The following THNSL1 variants were observed in gnomAD, a reference collection of about 807,000 sequenced individuals.
THNSL1 encodes threonine synthase-like 1.
THNSL1 carries 48 observed loss-of-function variants against 50.4 expected under a neutral mutation model. The observed-to-expected ratio is 0.95, with a 90% CI of 0.76 to 1.21. The LOEUF (loss-of-function observed/expected upper bound fraction) is 1.21. THNSL1 is among the 50% of genes most tolerant of loss of function. The pLI is 0.00. For missense variants in THNSL1, 896 were observed against 871.7 expected, an observed-to-expected ratio of 1.03 and a Z score of -0.35; for synonymous variants, 309 against 306.1, an observed-to-expected ratio of 1.01 and a Z score of -0.10.
At position 25,025,012 on chromosome 10, in the gene THNSL1, C is replaced by T; in HGVS notation, c.1789C>T (p.Gln597Ter). ...AGAATTATTTAATCGATTAGAAAGT[C>T]AGCATCATTTCCAGATAGAAAAGGC... ...MTELFNRLES[Q>*]HHFQIEKALV... Residue 597 changes from glutamine to a stop codon, truncating the protein, a stop_gained, in exon 3 of 3, where the codon CAG becomes TAG. Transcript: ENST00000376356. LOFTEE classifies it high-confidence loss of function. 5 of 1,614,108 alleles carry T rather than the reference C, an allele frequency of 3.1e-6. No individual in the cohort carries two copies. The highest frequency in any genetic ancestry group is 4.2e-6 in the Non-Finnish European group (5 of 1,179,976).
chr10:24,958,663 A>C, the THNSL1 span, among the ~76,000 whole-genome samples: 18 of 152,324 alleles, frequency 1.2e-4, no homozygotes, highest in Non-Finnish European at 1.8e-4. Context: ...CTTACAAATA[A>C]AGCCAAGGCT....
chr10:24,993,636 A>T, the THNSL1 span, among the ~76,000 whole-genome samples: 1 of 152,238 alleles, frequency 6.6e-6, no homozygotes, highest in Non-Finnish European at 1.5e-5. Flanking sequence ...AGATCTTTAA[A>T]ACTTAACTCT....
chr10:25,011,771 C>G (rs1850450060), upstream of THNSL1, among the ~76,000 whole-genome samples: 1 of 152,158 alleles, frequency 6.6e-6, no homozygotes, highest in Non-Finnish European at 1.5e-5. Flanking sequence ...CATAAAAGTT[C>G]AGAAAATTTG....
At chr10:24,996,357 G>T in the THNSL1 span, among the ~76,000 whole-genome samples, 1 of 152,110 alleles carries the variant, frequency 6.6e-6, no homozygotes, top group Admixed American at 6.5e-5. Context: ...GGGAGGCGGA[G>T]GTTGCAGTGA....
At chr10:25,021,003 C>T (rs1850708149) in intron 1 of THNSL1, among the ~76,000 whole-genome samples, 1 of 152,154 alleles carries the variant, frequency 6.6e-6, no homozygotes, top group Admixed American at 6.5e-5. Flanking sequence ...ATAATTCTTT[C>T]TGGTCCCTGG....
At chr10:24,985,541 A>G in the THNSL1 span, among the ~76,000 whole-genome samples, 2 of 152,252 alleles carry the variant, frequency 1.3e-5, no homozygotes, top group African/African-American at 4.8e-5. Flanking sequence ...AGGTCATTAA[A>G]TGTAACACAC....
the THNSL1 span, among the ~76,000 whole-genome samples, chr10:24,960,760 G>GT: frequency 4.4e-3 from 668 of 150,142 alleles, 3 homozygotes; most frequent in Non-Finnish European, 4.8e-3. Flanking sequence ...CCTATTTTTT[G>GT]TTTTTTTTTA....
At position 25,023,492 on chromosome 10, in the gene THNSL1, T is replaced by C. The variant is rs1158323769; in HGVS notation, c.269T>C (p.Ile90Thr). The C allele has an allele frequency of 2.5e-6, 4 of 1,614,120 alleles. No homozygotes were observed. Among genetic ancestry groups the C allele is most frequent in the South Asian group, 2.2e-5 (2 of 91,072 alleles). ...TGTGTCATAGATGTGGATGATGATA[T>C]CCTTGAAAAAACCTGGAATATGAGT... ...GCCVIDVDDD[I>T]LEKTWNMSVS... The change falls in exon 3 of 3, where the codon ATC (isoleucine) becomes ACC (threonine). Residue 90 changes from isoleucine to threonine, a missense_variant. Physicochemically the swap from Ile to Thr is moderately conservative, Grantham distance 89. Coordinates refer to ENST00000376356, the MANE Select transcript of THNSL1 (RefSeq NM_024838.5).
chr10:24,966,395 A>G, the THNSL1 span, among the ~76,000 whole-genome samples: 2 of 152,214 alleles, frequency 1.3e-5, no homozygotes, highest in Non-Finnish European at 2.9e-5. Flanking sequence ...TGAGACCACA[A>G]CACCCTCTTG....
the THNSL1 span, among the ~76,000 whole-genome samples, chr10:24,999,054 G>A: frequency 6.6e-6 from 1 of 152,282 alleles, no homozygotes; most frequent in South Asian, 2.1e-4. Context: ...GGGTTTAGAT[G>A]CTGGGCAATC....
At chr10:24,967,786 C>T in the THNSL1 span, among the ~76,000 whole-genome samples, 2,066 of 149,956 alleles carry the variant, frequency 0.014, 48 homozygotes, top group African/African-American at 0.048. Context: ...TATGTATGTG[C>T]GTATGATGTG....
the THNSL1 span, among the ~76,000 whole-genome samples, chr10:24,980,070 C>A: frequency 4.5e-4 from 68 of 152,344 alleles, no homozygotes; most frequent in African/African-American, 1.6e-3. Flanking sequence ...ACCAACTAGT[C>A]CACTAACTAA....
At chr10:24,977,763 A>G in the THNSL1 span, among the ~76,000 whole-genome samples, 2 of 152,198 alleles carry the variant, frequency 1.3e-5, no homozygotes, top group African/African-American at 4.8e-5. Flanking sequence ...ATATATATGC[A>G]TTTGTTTTTA....
chr10:24,955,399 A>G, the THNSL1 span, among the ~76,000 whole-genome samples: 1 of 152,278 alleles, frequency 6.6e-6, no homozygotes, highest in African/African-American at 2.4e-5. Context: ...GTAACAATCC[A>G]TGTTACTTTA....
chr10:24,978,573 G>A, the THNSL1 span, among the ~76,000 whole-genome samples: 2 of 151,696 alleles, frequency 1.3e-5, no homozygotes, highest in African/African-American at 2.4e-5. Flanking sequence ...CTTAGAAGAC[G>A]AACACTCTGT....
At chr10:24,976,078 A>G in the THNSL1 span, among the ~76,000 whole-genome samples, 5 of 152,260 alleles carry the variant, frequency 3.3e-5, no homozygotes, top group African/African-American at 1.2e-4. Flanking sequence ...ATGCCTTTCT[A>G]CCCCTTCCTG....
At chr10:24,967,817 G>A in the THNSL1 span, among the ~76,000 whole-genome samples, 54 of 151,888 alleles carry the variant, frequency 3.6e-4, no homozygotes, top group Non-Finnish European at 6.0e-4. Context: ...GTGTATATGT[G>A]CATGTATATG....
At chr10:24,993,126 T>C in the THNSL1 span, among the ~76,000 whole-genome samples, 2 of 152,028 alleles carry the variant, frequency 1.3e-5, no homozygotes, top group African/African-American at 4.8e-5. Flanking sequence ...AGACTCCATC[T>C]CTAAAAAAAA....
At chr10:24,976,535 G>A in the THNSL1 span, among the ~76,000 whole-genome samples, 1 of 151,828 alleles carries the variant, frequency 6.6e-6, no homozygotes, top group Admixed American at 6.6e-5. Flanking sequence ...TGTTGTCCAG[G>A]CTGGAGTGCA....
Sources: gnomAD v4.1 joint callset for allele counts (sites outside exome capture counted in the v4.1 genomes callset) on GRCh38, gnomAD v4.1.1 for gene constraint, MANE v1.5 for transcripts, NCBI Gene and HGNC (gene_info 2026-07-23, HGNC 2026-07-21) for gene names.